The following ZFP1 variants were observed in gnomAD, a reference collection of about 807,000 sequenced individuals.
The protein encoded by ZFP1 is ZFP1 zinc finger protein.
A neutral mutation model predicts 38.5 loss-of-function variants in ZFP1; 32 were observed. That is an observed-to-expected ratio of 0.83 (90% CI 0.63 to 1.12). The LOEUF is 1.12. ZFP1 is among the 50% of genes most tolerant of loss of function. The pLI, the probability that ZFP1 is intolerant of heterozygous loss-of-function variation, is 0.00. For synonymous variants in ZFP1, 245 were observed against 168.8 expected (o/e 1.45, Z -3.50); for missense variants, 616 against 480.8 (o/e 1.28, Z -2.63).
At chr16:75,134,508 G>A in the ZFP1 span, among the ~76,000 whole-genome samples, 843 of 152,084 alleles carry the variant, frequency 5.5e-3, 9 homozygotes, top group African/African-American at 0.019. Context: ...TGTAATCCCG[G>A]CACTTTGGGA....
Position 75,169,754 on chromosome 16 carries a change from A to T in ZFP1, c.644A>T (p.Asn215Ile). The T allele has an allele frequency of 1.9e-6, 3 of 1,613,436 alleles. No individual in the cohort carries two copies. Among genetic ancestry groups the T allele is most frequent in the Non-Finnish European group, 2.5e-6 (3 of 1,179,758 alleles). ...IHTGEKPYECNVCKKTFSHKA... is the reference protein window; with the variant it reads ...IHTGEKPYECIVCKKTFSHKA... Reference sequence around the variant, plus strand: ...ACTGGAGAAAAGCCATATGAATGCAATGTATGTAAGAAAACCTTCTCCCAT... The same window carrying T: ...ACTGGAGAAAAGCCATATGAATGCATTGTATGTAAGAAAACCTTCTCCCAT... Residue 215 changes from asparagine (N) to isoleucine (I), a missense_variant, in exon 4 of 4, where the codon AAT becomes ATT. Physicochemically the swap from Asn to Ile is moderately radical, Grantham distance 149. Coordinates refer to ENST00000570010, the MANE Select transcript of ZFP1 (RefSeq NM_153688.4).
intron 2 of ZFP1, among the ~76,000 whole-genome samples, chr16:75,164,672 G>T (rs1418048413): frequency 3.9e-5 from 6 of 152,070 alleles, no homozygotes; most frequent in Non-Finnish European, 8.8e-5. Context: ...ATGGGCTGCT[G>T]CCTTGTTTTT....
At chr16:75,135,409 A>G in the ZFP1 span, among the ~76,000 whole-genome samples, 4 of 152,330 alleles carry the variant, frequency 2.6e-5, no homozygotes, top group Admixed American at 2.6e-4. Context: ...AAAAGACTAT[A>G]TACTGTATTA....
intron 2 of ZFP1, among the ~76,000 whole-genome samples, chr16:75,165,993 C>G (rs919092012): frequency 6.6e-6 from 1 of 152,120 alleles, no homozygotes; most frequent in Non-Finnish European, 1.5e-5. Flanking sequence ...TAAATTCAAC[C>G]ATGTATTTTT....
chr16:75,161,990 G>A (rs1487754408), intron 2 of ZFP1, among the ~76,000 whole-genome samples: 1 of 150,194 alleles, frequency 6.7e-6, no homozygotes, highest in Non-Finnish European at 1.5e-5. Flanking sequence ...TCCCCATGTT[G>A]GCCAGGCTGG....
At chr16:75,161,535 C>G (rs766393840) in intron 2 of ZFP1, among the ~76,000 whole-genome samples, 11 of 150,944 alleles carry the variant, frequency 7.3e-5, no homozygotes, top group Non-Finnish European at 1.2e-4. Context: ...TATGGTTTGC[C>G]TGTCTGATAA....
chr16:75,127,089 T>G, the ZFP1 span, among the ~76,000 whole-genome samples: 4 of 152,200 alleles, frequency 2.6e-5, no homozygotes, highest in African/African-American at 9.7e-5. Flanking sequence ...AGTAACAAAT[T>G]TCCTTGCCAA....
chr16:75,161,945 C>T (rs1417532178), intron 2 of ZFP1, among the ~76,000 whole-genome samples: 4 of 148,188 alleles, frequency 2.7e-5, no homozygotes, highest in South Asian at 4.3e-4. Context: ...CTACTGTGCC[C>T]GGCTAATTTT....
chr16:75,129,400 T>C, the ZFP1 span, among the ~76,000 whole-genome samples: 2 of 152,194 alleles, frequency 1.3e-5, no homozygotes, highest in Admixed American at 1.3e-4. Context: ...GAAAATATCT[T>C]GAGTCTTCAA....
chr16:75,161,398 T>C (rs1343837006), intron 2 of ZFP1, among the ~76,000 whole-genome samples: 1 of 151,774 alleles, frequency 6.6e-6, no homozygotes, highest in Non-Finnish European at 1.5e-5. Flanking sequence ...TGGGCTTTGT[T>C]GTTCTGTGCC....
chr16:75,150,752 T>C (rs1485989564), intron 1 of ZFP1, among the ~76,000 whole-genome samples: 1 of 152,164 alleles, frequency 6.6e-6, no homozygotes, highest in Non-Finnish European at 1.5e-5. Flanking sequence ...AGGTCGAGGA[T>C]ATGATGATCT....
At chr16:75,132,926 C>T in the ZFP1 span, among the ~76,000 whole-genome samples, 11 of 151,142 alleles carry the variant, frequency 7.3e-5, no homozygotes, top group Non-Finnish European at 1.3e-4. Flanking sequence ...TCCCAAAGTG[C>T]TTGATTACAG....
chr16:75,164,852 A>T (rs1365061918), intron 2 of ZFP1, among the ~76,000 whole-genome samples: 1 of 151,478 alleles, frequency 6.6e-6, no homozygotes, highest in African/African-American at 2.4e-5. Context: ...GTTGCACAGG[A>T]TGGAGTGCAA....
At chr16:75,146,875 G>C (rs1374023060), upstream of ZFP1, among the ~76,000 whole-genome samples, 2 of 151,026 alleles carry the variant, frequency 1.3e-5, no homozygotes, top group Admixed American at 1.3e-4. Context: ...AGGAAGTGGA[G>C]GCTGCAGTGA....
chr16:75,161,774 A>ATATATATATATATATATATAT (rs1555523101), intron 2 of ZFP1, among the ~76,000 whole-genome samples: 2 of 7,822 alleles, frequency 2.6e-4, no homozygotes, highest in Non-Finnish European at 5.6e-4. Context: ...ATATATATAT[A>ATATATATATATATATATATAT]TTTTTTTTTT....
chr16:75,155,022 C>G (rs1412797576), intron 2 of ZFP1, among the ~76,000 whole-genome samples: 1 of 152,184 alleles, frequency 6.6e-6, no homozygotes, highest in Non-Finnish European at 1.5e-5. Flanking sequence ...TGGTCTCGAA[C>G]TCCTGGGCTC....
upstream of ZFP1, among the ~76,000 whole-genome samples, chr16:75,145,159 A>T (rs1177452511): frequency 1.3e-5 from 2 of 152,260 alleles, no homozygotes; most frequent in South Asian, 2.1e-4. Flanking sequence ...GCTGCTATGA[A>T]CATTGGTGTA....
chr16:75,120,528 G>GA, the ZFP1 span, among the ~76,000 whole-genome samples: 1 of 146,150 alleles, frequency 6.8e-6, no homozygotes. Flanking sequence ...GTTTTTTTTT[G>GA]TTTTTTTTTT....
At chr16:75,148,953 C>T (rs1388949169) in intron 1 of ZFP1, 2 of 151,936 alleles carry the variant, frequency 1.3e-5, no homozygotes, top group African/African-American at 4.8e-5. Flanking sequence ...GGAGCGAGTT[C>T]TGGAGCCCCG....
Sources: allele counts gnomAD v4.1 joint callset (sites outside exome capture counted in the v4.1 genomes callset), GRCh38; gene constraint gnomAD v4.1.1; transcripts MANE v1.5; gene names NCBI Gene and HGNC (gene_info 2026-07-23, HGNC 2026-07-21).